The following PTPRK variants were observed in gnomAD, a reference collection of about 807,000 sequenced individuals.
PTPRK encodes the protein receptor-type tyrosine-protein phosphatase kappa.
In PTPRK, 75 loss-of-function variants were observed where a neutral mutation model predicts 178.0. The observed-to-expected ratio is 0.42, with a 90% CI of 0.35 to 0.51. The LOEUF (loss-of-function observed/expected upper bound fraction) is 0.51, where lower values mean the gene tolerates loss of function less well. PTPRK is among the 20% of genes least tolerant of loss of function. The probability of loss-of-function intolerance (pLI) is 0.02; values close to 1 mark genes in which losing one functional copy is unlikely to be tolerated. For missense variants in PTPRK, 1,441 were observed against 1,797.8 expected (o/e 0.80, Z 3.59); for synonymous variants, 637 against 620.6 (o/e 1.03, Z -0.39).
chr6:128,235,590 T>C, intron 5 of PTPRK: 1 of 509,118 alleles, frequency 2.0e-6, no homozygotes, highest in Non-Finnish European at 4.1e-6. Context: ...CTTCTGTCAA[T>C]CACAGTCTGA....
intron 3 of PTPRK, among the ~76,000 whole-genome samples, chr6:128,293,282 T>G (rs1294370176): frequency 2.0e-5 from 3 of 152,052 alleles, no homozygotes; most frequent in Admixed American, 2.0e-4. Context: ...ACTAGCAGGT[T>G]TGGTTGTCTG....
intron 3 of PTPRK, among the ~76,000 whole-genome samples, chr6:128,315,218 C>T (rs1186041817): frequency 6.6e-6 from 1 of 152,074 alleles, no homozygotes; most frequent in African/African-American, 2.4e-5. Flanking sequence ...TTGCAAAATG[C>T]CAGGATCTAA....
intron 7 of PTPRK, among the ~76,000 whole-genome samples, chr6:128,126,761 T>C (rs924932862): frequency 2.0e-5 from 3 of 152,324 alleles, no homozygotes; most frequent in African/African-American, 7.2e-5. Flanking sequence ...AGTGCTGAGG[T>C]TATAGGGGTG....
At position 128,092,816 on chromosome 6, in the gene PTPRK, C is replaced by G. The variant is rs564151534; in HGVS notation, c.1163-2824G>C. The stretch of plus-strand genomic sequence containing the variant: ...TTAATCCATTATTTCTCATACCTAA[C>G]CAACAACTGCATTGTATTTCTGAGG... On this transcript the variant is annotated intron_variant, in intron 7 of 29. Transcript: ENST00000368226. Among the ~76,000 whole-genome samples the G allele has an allele frequency of 3.3e-5, 5 of 152,212 alleles. No homozygotes were observed. In the South Asian group the frequency reaches 6.2e-4, roughly 19 times the overall value.
chr6:128,141,364 T>C (rs1795740489), intron 7 of PTPRK, among the ~76,000 whole-genome samples: 1 of 151,832 alleles, frequency 6.6e-6, no homozygotes, highest in Non-Finnish European at 1.5e-5. Context: ...ATATATATTA[T>C]AGATTAACAC....
At chr6:128,139,413 G>C in intron 7 of PTPRK, among the ~76,000 whole-genome samples, 1 of 152,072 alleles carries the variant, frequency 6.6e-6, no homozygotes, top group Middle Eastern at 3.4e-3. Context: ...TATAAAATGA[G>C]TGAAATTTCA....
chr6:128,306,873 A>T (rs545111685), intron 3 of PTPRK, among the ~76,000 whole-genome samples: 1 of 152,252 alleles, frequency 6.6e-6, no homozygotes, highest in East Asian at 1.9e-4. Flanking sequence ...GCTGCACATG[A>T]TCTGTGTGGG....
intron 5 of PTPRK, among the ~76,000 whole-genome samples, chr6:128,222,634 A>G (rs1810623860): frequency 6.6e-6 from 1 of 151,996 alleles, no homozygotes; most frequent in South Asian, 2.1e-4. Context: ...CACTCCTTCA[A>G]TCCTCTACAT....
intron 1 of PTPRK, among the ~76,000 whole-genome samples, chr6:128,399,573 A>C (rs1463829916): frequency 6.6e-6 from 1 of 152,248 alleles, no homozygotes; most frequent in Non-Finnish European, 1.5e-5. Flanking sequence ...TAGCAAGAGG[A>C]AAGTTTTTCT....
chr6:128,339,592 C>T (rs967585957), intron 2 of PTPRK, among the ~76,000 whole-genome samples: 11 of 152,056 alleles, frequency 7.2e-5, no homozygotes, highest in South Asian at 4.1e-4. Flanking sequence ...GGCAAAATTG[C>T]AACTAATTGT....
intron 1 of PTPRK, among the ~76,000 whole-genome samples, chr6:128,430,693 G>A (rs1036975293): frequency 1.2e-4 from 19 of 152,074 alleles, no homozygotes; most frequent in African/African-American, 3.9e-4. Context: ...AAGGTTTGAC[G>A]TTGAAATATA....
chr6:128,259,395 A>G (rs1039567782), intron 3 of PTPRK, among the ~76,000 whole-genome samples: 3 of 152,328 alleles, frequency 2.0e-5, no homozygotes, highest in Middle Eastern at 3.4e-3. Flanking sequence ...TTTTCACAAT[A>G]ACCTAATTAA....
chr6:128,346,479 T>A (rs1453080489), intron 2 of PTPRK, among the ~76,000 whole-genome samples: 1 of 152,106 alleles, frequency 6.6e-6, no homozygotes, highest in Admixed American at 6.6e-5. Context: ...ACTAATAGTC[T>A]GATATAAAGT....
At chr6:128,238,409 G>A (rs1305670694) in intron 5 of PTPRK, among the ~76,000 whole-genome samples, 1 of 151,452 alleles carries the variant, frequency 6.6e-6, no homozygotes, top group African/African-American at 2.4e-5. Flanking sequence ...GCAGGGTCCA[G>A]AAAGTCTTTG....
chr6:128,395,306 G>T (rs890466869), intron 2 of PTPRK, among the ~76,000 whole-genome samples: 1 of 152,118 alleles, frequency 6.6e-6, no homozygotes, highest in Non-Finnish European at 1.5e-5. Flanking sequence ...TCCCTCCTCT[G>T]CATGATTAAT....
At chr6:128,003,360 T>C in intron 15 of PTPRK, 1 of 912,684 alleles carries the variant, frequency 1.1e-6, no homozygotes, top group Non-Finnish European at 1.6e-6. Flanking sequence ...ATTACTGTAT[T>C]CTGCAAATGT....
chr6:128,164,687 T>C (rs1423483030), intron 7 of PTPRK, among the ~76,000 whole-genome samples: 2 of 151,122 alleles, frequency 1.3e-5, no homozygotes, highest in African/African-American at 2.4e-5. Context: ...TAACCAATAC[T>C]GCTTTAAAAT....
intron 13 of PTPRK, among the ~76,000 whole-genome samples, chr6:128,052,407 T>C (rs527367555): frequency 6.6e-6 from 1 of 152,346 alleles, no homozygotes; most frequent in African/African-American, 2.4e-5. Context: ...TTATATTTAG[T>C]TGCTATATCT....
At chr6:127,974,510 G>C (rs1774299693) in intron 27 of PTPRK, among the ~76,000 whole-genome samples, 1 of 152,164 alleles carries the variant, frequency 6.6e-6, no homozygotes, top group Non-Finnish European at 1.5e-5. Context: ...GTTGGCCTGG[G>C]ACTTCTCTGG....
Sources: allele counts gnomAD v4.1 joint callset (sites outside exome capture counted in the v4.1 genomes callset), GRCh38; gene constraint gnomAD v4.1.1; transcripts MANE v1.5; gene names NCBI Gene and HGNC (gene_info 2026-07-23, HGNC 2026-07-21).